Variants in ANKRD33B observed in about 807,000 individuals in gnomAD.
ANKRD33B encodes the protein ankyrin repeat domain 33B, also known as ankyrin repeat domain-containing protein 33B.
ANKRD33B carries 6 observed loss-of-function variants against 21.5 expected under a neutral mutation model. That is an observed-to-expected ratio of 0.28 (90% CI 0.15 to 0.55). The LOEUF is 0.55. Ranked by LOEUF, ANKRD33B falls within the 20% of genes least tolerant of loss-of-function variation. The probability of loss-of-function intolerance (pLI) is 0.94; values close to 1 mark genes in which losing one functional copy is unlikely to be tolerated. For synonymous variants in ANKRD33B, 347 were observed against 342.4 expected, an observed-to-expected ratio of 1.01 and a Z score of -0.15; for missense variants, 698 against 747.2, an observed-to-expected ratio of 0.93 and a Z score of 0.77.
At chr5:10,588,483 T>G (rs952676845) in intron 1 of ANKRD33B, among the ~76,000 whole-genome samples, 10 of 152,240 alleles carry the variant, frequency 6.6e-5, no homozygotes, top group African/African-American at 2.4e-4. Context: ...AATTGTTAGA[T>G]TTTGTTTCGA....
chr5:10,564,349 C>A lies in ANKRD33B; in HGVS notation c.-119C>A, dbSNP rs1461836247. 5.8e-6 allele frequency: 4 copies of A among 695,164 alleles called. No homozygotes were observed. The highest frequency in any genetic ancestry group is 7.1e-6 in the Non-Finnish European group (4 of 560,758). The allele number at this position is 695,164 out of a possible 1,614,324, so 43.1% of individuals were successfully genotyped here. A position where few individuals can be genotyped will look rare whatever the true frequency, so the allele number is the denominator to read the frequency against. ...GGTGCCGGTTTCCGCCGAGCTGGAG[C>A]GCGCGGGCCACGGCTTCTCTGGGGA... On this transcript the variant is annotated 5_prime_UTR_variant, in exon 1 of 4. Transcript: ENST00000296657.
Position 10,574,887 on chromosome 5 carries a change from G to A in ANKRD33B, c.366+10054G>A, listed in dbSNP as rs1381802828. ...TTAAGGCCAGGTGCTCAAGACCAGC[G>A]TGGGCAACATAGCAAGACTTTGTCT... On this transcript the variant is annotated intron_variant, in intron 1 of 3. Transcript: ENST00000296657. 3.8e-5 allele frequency among the ~76,000 whole-genome samples: 2 copies of A among 52,548 alleles called. 1 individual carries two copies. The highest frequency in any genetic ancestry group is 7.9e-5 in the African/African-American group (2 of 25,252). 34.5% of individuals were successfully genotyped at this position (52,548 alleles called of 152,430 possible). A position where few individuals can be genotyped will look rare whatever the true frequency, so the allele number is the denominator to read the frequency against.
chr5:10,590,516 G>A (rs1478832007), intron 1 of ANKRD33B, among the ~76,000 whole-genome samples: 2 of 152,182 alleles, frequency 1.3e-5, no homozygotes, highest in Non-Finnish European at 2.9e-5. Context: ...TGGCCTGCGG[G>A]CCACATGAGG....
At chr5:10,588,335 A>G (rs552866608) in intron 1 of ANKRD33B, among the ~76,000 whole-genome samples, 19 of 152,174 alleles carry the variant, frequency 1.2e-4, no homozygotes, top group Non-Finnish European at 2.6e-4. Context: ...TAATGACCAC[A>G]ATGTACTCTT....
chr5:10,600,518 T>C (rs1458654132), intron 1 of ANKRD33B, among the ~76,000 whole-genome samples: 1 of 152,256 alleles, frequency 6.6e-6, no homozygotes, highest in Admixed American at 6.5e-5. Context: ...TGTTGCTCAG[T>C]AGTATTCCCA....
At chr5:10,637,920 TG>T in intron 2 of ANKRD33B, 107 bp from the exon 3 acceptor site, 1 of 1,280,712 alleles carries the variant, frequency 7.8e-7, no homozygotes, top group Non-Finnish European at 1.1e-6. Context: ...GCAGACCGGC[TG>T]GCCCAGGGCT....
intron 2 of ANKRD33B, among the ~76,000 whole-genome samples, chr5:10,635,915 G>T (rs1736847848): frequency 6.6e-6 from 1 of 152,262 alleles, no homozygotes; most frequent in Non-Finnish European, 1.5e-5. Context: ...GCCTACTGGA[G>T]ATCTCAGCCG....
At chr5:10,629,601 G>A (rs556867690) in intron 2 of ANKRD33B, among the ~76,000 whole-genome samples, 58 of 152,278 alleles carry the variant, frequency 3.8e-4, no homozygotes, top group African/African-American at 1.1e-3. Flanking sequence ...GTAAAAAACT[G>A]AAGAAAAGAG....
At chr5:10,603,766 G>A (rs1432553812) in intron 1 of ANKRD33B, among the ~76,000 whole-genome samples, 1 of 151,712 alleles carries the variant, frequency 6.6e-6, no homozygotes, top group Non-Finnish European at 1.5e-5. Context: ...TTATCTTATG[G>A]TAATTTAAGC....
chr5:10,627,413 G>C (rs1323728505), intron 2 of ANKRD33B: 4 of 152,250 alleles, frequency 2.6e-5, no homozygotes. Context: ...TCTGATGTGT[G>C]CTTGCAACTT....
At chr5:10,573,034 C>G (rs572475773) in intron 1 of ANKRD33B, among the ~76,000 whole-genome samples, 6 of 152,344 alleles carry the variant, frequency 3.9e-5, no homozygotes, top group African/African-American at 1.2e-4. Context: ...TCAAATCCCA[C>G]CACTCCAATC....
chr5:10,591,055 C>T (rs28506934), intron 1 of ANKRD33B, among the ~76,000 whole-genome samples: 85,068 of 151,410 alleles, frequency 0.56, 24,368 homozygotes, highest in East Asian at 0.7. Flanking sequence ...ACTTTCTTTA[C>T]ACTGTTTTGC....
At chr5:10,583,889 T>C (rs982790279) in intron 1 of ANKRD33B, among the ~76,000 whole-genome samples, 5 of 152,368 alleles carry the variant, frequency 3.3e-5, no homozygotes, top group African/African-American at 1.2e-4. Flanking sequence ...GACTGTATTT[T>C]TCTCTTGGAG....
chr5:10,575,996 C>T (rs1465556327), intron 1 of ANKRD33B, among the ~76,000 whole-genome samples: 2 of 152,028 alleles, frequency 1.3e-5, no homozygotes, highest in African/African-American at 4.8e-5. Context: ...CACACACACA[C>T]ACGATTGTGT....
At chr5:10,602,140 G>C (rs1735947981) in intron 1 of ANKRD33B, among the ~76,000 whole-genome samples, 1 of 152,266 alleles carries the variant, frequency 6.6e-6, no homozygotes. Flanking sequence ...CCCCGAAGGG[G>C]TGACTGAGCA....
chr5:10,610,658 C>T (rs552276826), intron 1 of ANKRD33B, among the ~76,000 whole-genome samples: 19 of 152,344 alleles, frequency 1.2e-4, no homozygotes, highest in East Asian at 9.6e-4. Context: ...GGCTGAATCA[C>T]GTCCAGCACT....
At chr5:10,637,976 A>G in intron 2 of ANKRD33B, 52 bp from the exon 3 acceptor site, 1 of 1,521,958 alleles carries the variant, frequency 6.6e-7, no homozygotes, top group Non-Finnish European at 8.8e-7. Context: ...GGCTGGAACC[A>G]GCACATTTTG....
intron 1 of ANKRD33B, among the ~76,000 whole-genome samples, chr5:10,578,995 C>T (rs1374886037): frequency 6.6e-6 from 1 of 151,964 alleles, no homozygotes; most frequent in Non-Finnish European, 1.5e-5. Flanking sequence ...GAAACCCCAT[C>T]TCTACAAAAA....
At chr5:10,584,179 T>C (rs538133605) in intron 1 of ANKRD33B, among the ~76,000 whole-genome samples, 7 of 152,334 alleles carry the variant, frequency 4.6e-5, no homozygotes, top group Middle Eastern at 3.4e-3. Context: ...CATTTGGCTT[T>C]GATTTTCAAA....
Sources: allele counts gnomAD v4.1 joint callset (sites outside exome capture counted in the v4.1 genomes callset), GRCh38; gene constraint gnomAD v4.1.1; transcripts MANE v1.5; gene names NCBI Gene and HGNC (gene_info 2026-07-23, HGNC 2026-07-21).